NRG3: variants seen among roughly 807,000 people sequenced by gnomAD.
NRG3 encodes neuregulin 3, also known as pro-neuregulin-3, membrane-bound isoform.
Under a neutral mutation model 66.9 loss-of-function variants are expected in NRG3, and 31 were observed. The observed-to-expected ratio is 0.46, with a 90% confidence interval of 0.35 to 0.63. The LOEUF (loss-of-function observed/expected upper bound fraction) is 0.63. Ranked by LOEUF, NRG3 falls within the 20% of genes least tolerant of loss-of-function variation. The pLI, the probability that NRG3 is intolerant of heterozygous loss-of-function variation, is 0.00. For synonymous variants in NRG3, 393 were observed against 359.4 expected, an observed-to-expected ratio of 1.09 and a Z score of -1.06; for missense variants, 910 against 878.9, an observed-to-expected ratio of 1.04 and a Z score of -0.45.
intron 2 of NRG3, among the ~76,000 whole-genome samples, chr10:82,496,398 C>CTT (rs1473615555): frequency 6.6e-6 from 1 of 152,098 alleles, no homozygotes; most frequent in Non-Finnish European, 1.5e-5. Context: ...GGGGAGTCAG[C>CTT]TTTTCTTTAT....
chr10:82,323,479 A>G (rs1435477125), intron 1 of NRG3, among the ~76,000 whole-genome samples: 2 of 151,062 alleles, frequency 1.3e-5, no homozygotes, highest in African/African-American at 2.5e-5. Context: ...CTTGGCCATG[A>G]CATATTATCC....
intron 2 of NRG3, among the ~76,000 whole-genome samples, chr10:82,449,747 C>T (rs1156821747): frequency 6.6e-6 from 1 of 152,150 alleles, no homozygotes; most frequent in African/African-American, 2.4e-5. Context: ...CCCTACTCAA[C>T]GTCTTTCAGG....
intron 1 of NRG3, among the ~76,000 whole-genome samples, chr10:82,277,877 G>T (rs760840648): frequency 2.6e-5 from 4 of 152,090 alleles, no homozygotes; most frequent in Admixed American, 6.6e-5. Context: ...GGGAAGCAGT[G>T]AGAAAAATGG....
At chr10:82,956,772 G>A (rs747962390) in intron 5 of NRG3, among the ~76,000 whole-genome samples, 1 of 151,814 alleles carries the variant, frequency 6.6e-6, no homozygotes, top group Admixed American at 6.6e-5. Context: ...GTGTGCGAAT[G>A]AACCCCTGAT....
At chr10:81,894,430 T>G (rs1430226733) in intron 1 of NRG3, among the ~76,000 whole-genome samples, 1 of 152,200 alleles carries the variant, frequency 6.6e-6, no homozygotes, top group Non-Finnish European at 1.5e-5. Flanking sequence ...AGTTTGTTTC[T>G]TCTGAGGCCT....
intron 2 of NRG3, among the ~76,000 whole-genome samples, chr10:82,544,895 T>G (rs2043790804): frequency 6.6e-6 from 1 of 152,210 alleles, no homozygotes; most frequent in African/African-American, 2.4e-5. Flanking sequence ...AGCTTCAATA[T>G]TACTTTCGTA....
At chr10:82,300,921 A>G (rs1477845102) in intron 1 of NRG3, among the ~76,000 whole-genome samples, 1 of 152,108 alleles carries the variant, frequency 6.6e-6, no homozygotes, top group African/African-American at 2.4e-5. Context: ...GCTTGACCCC[A>G]GGAGCTCAAA....
At chr10:81,901,748 A>G (rs1459242569) in intron 1 of NRG3, among the ~76,000 whole-genome samples, 1 of 152,222 alleles carries the variant, frequency 6.6e-6, no homozygotes, top group Non-Finnish European at 1.5e-5. Flanking sequence ...TCAATTTATT[A>G]TAAGATCTTA....
At chr10:82,479,463 C>T (rs1310975446) in intron 2 of NRG3, among the ~76,000 whole-genome samples, 2 of 145,684 alleles carry the variant, frequency 1.4e-5, no homozygotes, top group Admixed American at 1.4e-4. Flanking sequence ...CCTTGGGAGA[C>T]AGAGGTGGGC....
chr10:82,668,831 T>C (rs1283269059), intron 2 of NRG3, among the ~76,000 whole-genome samples: 2 of 152,160 alleles, frequency 1.3e-5, no homozygotes, highest in African/African-American at 4.8e-5. Flanking sequence ...GAAACGAGTA[T>C]GAATTTGGGA....
chr10:82,413,258 A>G (rs2136173300), intron 2 of NRG3, among the ~76,000 whole-genome samples: 1 of 152,314 alleles, frequency 6.6e-6, no homozygotes, highest in Middle Eastern at 3.4e-3. Context: ...TGGGCTGTGG[A>G]ATGGATGTTG....
intron 2 of NRG3, among the ~76,000 whole-genome samples, chr10:82,682,428 GAT>G (rs1252883894): frequency 6.6e-6 from 1 of 151,992 alleles, no homozygotes; most frequent in Non-Finnish European, 1.5e-5. Context: ...TAGATAGATA[GAT>G]AGATAGATAA....
intron 1 of NRG3, among the ~76,000 whole-genome samples, chr10:82,225,113 T>G (rs770696028): frequency 2.6e-5 from 4 of 152,000 alleles, no homozygotes; most frequent in Non-Finnish European, 4.4e-5. Context: ...AAAAATGCAA[T>G]TATGTAGGAT....
At chr10:82,377,433 C>CGT (rs1351097784) in intron 2 of NRG3, among the ~76,000 whole-genome samples, 52 of 121,962 alleles carry the variant, frequency 4.3e-4, no homozygotes, top group East Asian at 1.7e-3. Context: ...TGTGTGTGTG[C>CGT]GCGTGTGTGT....
chr10:82,868,357 A>G lies in NRG3; in HGVS notation c.1054+2920A>G, dbSNP rs190230051. Among the ~76,000 whole-genome samples the G allele has an allele frequency of 1.1e-3, 175 of 152,328 alleles. 3 individuals are homozygous for G. The highest frequency in any genetic ancestry group is 8.7e-4 in the Non-Finnish European group (59 of 68,030). On this transcript the variant is annotated intron_variant, in intron 4 of 8. Transcript: ENST00000372141. ...ATGTAGTTCATCTACATGAACCACA[A>G]GACTAAGGTAATAGTGAGTTTTGCA...
chr10:82,724,630 C>A (rs1203527503), intron 2 of NRG3, among the ~76,000 whole-genome samples: 1 of 152,156 alleles, frequency 6.6e-6, no homozygotes, highest in Non-Finnish European at 1.5e-5. Context: ...TTGCCTTCTT[C>A]GCTTAATTAA....
intron 2 of NRG3, among the ~76,000 whole-genome samples, chr10:82,441,881 A>G (rs770350595): frequency 9.9e-5 from 15 of 152,198 alleles, no homozygotes; most frequent in Non-Finnish European, 1.8e-4. Flanking sequence ...GTTTTAGTCC[A>G]TAATGCCTGG....
At chr10:82,598,090 G>A (rs1267354751) in intron 2 of NRG3, among the ~76,000 whole-genome samples, 2 of 152,144 alleles carry the variant, frequency 1.3e-5, no homozygotes, top group Non-Finnish European at 2.9e-5. Context: ...ATTGTGATTA[G>A]AAATTATTTA....
intron 1 of NRG3, among the ~76,000 whole-genome samples, chr10:82,164,708 A>G (rs1029066017): frequency 2.6e-5 from 4 of 152,210 alleles, no homozygotes; most frequent in Non-Finnish European, 5.9e-5. Flanking sequence ...TAAGAAAAGA[A>G]AACAGTCAAG....
Sources: gnomAD v4.1 joint callset for allele counts (sites outside exome capture counted in the v4.1 genomes callset) on GRCh38, gnomAD v4.1.1 for gene constraint, MANE v1.5 for transcripts, NCBI Gene and HGNC (gene_info 2026-07-23, HGNC 2026-07-21) for gene names.